KSR1: variants seen among roughly 807,000 people sequenced by gnomAD.
KSR1 encodes kinase suppressor of ras.
Under a neutral mutation model 92.9 loss-of-function variants are expected in KSR1, and 35 were observed. That is an observed-to-expected ratio of 0.38 (90% confidence interval 0.29 to 0.50). The LOEUF is 0.50. Among genes scored for constraint, KSR1 ranks in the 20% least tolerant of loss-of-function variants. The pLI is 0.94. For synonymous variants in KSR1, 467 were observed against 472.6 expected, an observed-to-expected ratio of 0.99 and a Z score of 0.15; for missense variants, 972 against 1,158.5, an observed-to-expected ratio of 0.84 and a Z score of 2.34.
chr17:27,502,895 G>A (rs906764630), intron 1 of KSR1, among the ~76,000 whole-genome samples: 9 of 152,126 alleles, frequency 5.9e-5, no homozygotes, highest in African/African-American at 2.2e-4. Flanking sequence ...CACTTCTCAC[G>A]GACAGTAATG....
At chr17:27,518,018 T>C (rs916839274) in intron 1 of KSR1, among the ~76,000 whole-genome samples, 5 of 152,224 alleles carry the variant, frequency 3.3e-5, no homozygotes, top group Admixed American at 6.5e-5. Flanking sequence ...GGCCAGATGC[T>C]CTTGATACAG....
intron 4 of KSR1, among the ~76,000 whole-genome samples, chr17:27,583,740 T>G: frequency 6.6e-6 from 1 of 152,276 alleles, no homozygotes; most frequent in Non-Finnish European, 1.5e-5. Context: ...TCTGAGAACA[T>G]CATGTCAGTA....
chr17:27,605,651 A>G lies in KSR1; in HGVS notation c.1832A>G (p.His611Arg). ...RWGRVHRGRW[H>R]GEVAIRLLEM... ...GGCCGGGTGCACCGCGGCCGCTGGC[A>G]TGGCGAGGTGGCCATTCGCCTGCTG... The change falls in exon 14 of 21, where the codon CAT becomes CGT. Residue 611 changes from histidine (H) to arginine (R), a missense_variant. Physicochemically the swap from His to Arg is conservative, Grantham distance 29 (BLOSUM62 0). Transcript: ENST00000644974. The G allele has an allele frequency of 6.2e-7, 1 of 1,612,064 alleles. No individual in the cohort carries two copies. The highest frequency in any genetic ancestry group is 8.5e-7 in the Non-Finnish European group (1 of 1,179,638).
At chr17:27,501,563 T>C (rs2069191425) in intron 1 of KSR1, among the ~76,000 whole-genome samples, 1 of 152,184 alleles carries the variant, frequency 6.6e-6, no homozygotes, top group Non-Finnish European at 1.5e-5. Context: ...CCTGCTGCTG[T>C]GTGTAGCCTC....
chr17:27,457,133 C>T (rs2019211296), intron 1 of KSR1, among the ~76,000 whole-genome samples: 1 of 152,152 alleles, frequency 6.6e-6, no homozygotes, highest in African/African-American at 2.4e-5. Context: ...TGCGCGCGGA[C>T]ATCCCCTTTC....
chr17:27,594,509 C>G (rs1051235313), intron 9 of KSR1, among the ~76,000 whole-genome samples: 72 of 152,270 alleles, frequency 4.7e-4, no homozygotes, highest in African/African-American at 1.6e-3. Context: ...CACTCTCTCT[C>G]TGTCCCAACT....
chr17:27,585,795 G>A (rs922129151), intron 5 of KSR1, 134 bp downstream of exon 5: 4 of 709,508 alleles, frequency 5.6e-6, no homozygotes, highest in African/African-American at 1.8e-5. Flanking sequence ...CAGAGGTGCT[G>A]GTGACCACCT....
intron 9 of KSR1, among the ~76,000 whole-genome samples, chr17:27,593,025 A>G (rs1007519668): frequency 3.3e-5 from 5 of 152,210 alleles, no homozygotes; most frequent in Non-Finnish European, 5.9e-5. Context: ...CCCAGCCCCA[A>G]AACCTGGGCC....
intron 1 of KSR1, among the ~76,000 whole-genome samples, chr17:27,497,500 G>A (rs2094354315): frequency 6.6e-6 from 1 of 152,186 alleles, no homozygotes; most frequent in Non-Finnish European, 1.5e-5. Context: ...AAGTCTGAAT[G>A]TGACCTCCCT....
At chr17:27,545,011 G>T (rs2071109903) in intron 1 of KSR1, among the ~76,000 whole-genome samples, 1 of 152,196 alleles carries the variant, frequency 6.6e-6, no homozygotes, top group Non-Finnish European at 1.5e-5. Flanking sequence ...AACAAGTTCT[G>T]GGAGATAGCA....
At position 27,605,634 on chromosome 17, in the gene KSR1, G is replaced by A. The variant is rs1324470097; in HGVS notation, c.1815G>A (p.Val605=). ...EPIGQGRWGR[V]HRGRWHGEVA... ...TCGGGCAGGGCCGCTGGGGCCGGGT[G>A]CACCGCGGCCGCTGGCATGGCGAGG... Residue 605 remains valine, a synonymous_variant, in exon 14 of 21, where the codon GTG becomes GTA. Transcript: ENST00000644974. 4 of 1,609,866 alleles carry A rather than the reference G, an allele frequency of 2.5e-6. No individual in the cohort carries two copies. The East Asian group carries it at 6.7e-5, about 27-fold the overall frequency.
Position 27,582,877 on chromosome 17 carries a change from G to A in KSR1, c.752G>A (p.Cys251Tyr), listed in dbSNP as rs1240596854. 5 of 1,613,024 alleles carry A rather than the reference G, an allele frequency of 3.1e-6. No individual in the cohort carries two copies. Among genetic ancestry groups the A allele is most frequent in the Non-Finnish European group, 4.2e-6 (5 of 1,179,662 alleles). Residue 251 changes from cysteine to tyrosine, a missense_variant, in exon 4 of 21, where the codon TGT (cysteine) becomes TAT (tyrosine). Cys to Tyr is a radical substitution (Grantham distance 194, BLOSUM62 -2). Transcript: ENST00000644974. The part of the protein sequence containing the change: ...PSFSEGLSDT[C>Y]IPLHASGRLT... ...TTCAGTGAGGGCCTCTCAGACACCT[G>A]TATTCCCCTGCACGCCAGCGGCCGG...
intron 1 of KSR1, among the ~76,000 whole-genome samples, chr17:27,541,629 C>T (rs1051401916): frequency 6.6e-6 from 1 of 152,178 alleles, no homozygotes; most frequent in African/African-American, 2.4e-5. Context: ...CCAGTCAAGA[C>T]AGCTTAGGGT....
At chr17:27,556,532 T>C (rs1353483856) in intron 2 of KSR1, among the ~76,000 whole-genome samples, 2 of 152,194 alleles carry the variant, frequency 1.3e-5, no homozygotes, top group Non-Finnish European at 2.9e-5. Context: ...TGCTCAACTT[T>C]TTAATGAGAC....
Position 27,582,709 on chromosome 17 carries a change from G to T in KSR1, c.584G>T (p.Gly195Val). ...SLDARRESGS[G>V]PSTDTLSAAS... ...GATGCGCGGCGGGAAAGTGGCTCAG[G>T]GCCTTCCACGGACACCCTCTCAGCA... Residue 195 changes from glycine (G) to valine (V), a missense_variant, in exon 4 of 21, where the codon GGG becomes GTG. This residue lies in a region of KSR1 where 611 missense variants were observed against 668.0 expected (regional missense o/e 0.91). Transcript: ENST00000644974. 1 of 1,613,832 alleles carries T rather than the reference G, an allele frequency of 6.2e-7. No homozygotes were observed. Among genetic ancestry groups the T allele is most frequent in the Non-Finnish European group, 8.5e-7 (1 of 1,179,818 alleles).
In KSR1 at chr17:27,623,122, T is replaced by TC; in HGVS notation, c.2709-192_2709-191insC. The TC allele has an allele frequency of 8.1e-6, 5 of 617,856 alleles. No homozygotes were observed. The South Asian group carries it at 9.7e-5, about 12-fold the overall frequency. The allele number at this position is 617,856 out of a possible 1,614,324, so 38.3% of individuals were successfully genotyped here. A position where few individuals can be genotyped will look rare whatever the true frequency, so the allele number is the denominator to read the frequency against. ...CCACCGTTGCTGCTCCAAGTAGGAC[T>TC]ACTTGGAGTGTAGCTGAGGCCTTGG... On this transcript the variant is annotated intron_variant, in intron 20 of 20. Coordinates refer to ENST00000644974, the MANE Select transcript of KSR1 (RefSeq NM_001394583.1).
intron 6 of KSR1, among the ~76,000 whole-genome samples, chr17:27,589,536 A>G (rs924848544): frequency 2.0e-4 from 31 of 152,326 alleles, no homozygotes; most frequent in African/African-American, 7.0e-4. Context: ...ACTCCCTGGC[A>G]TGGGCATAAG....
At chr17:27,464,797 T>G (rs564341207) in intron 1 of KSR1, among the ~76,000 whole-genome samples, 31 of 152,184 alleles carry the variant, frequency 2.0e-4, no homozygotes, top group African/African-American at 6.0e-4. Flanking sequence ...ATGTAAAAAT[T>G]CTTTACAATT....
rs1344371817 is a variant in KSR1 at position 27,626,258 on chromosome 17, A to C, written c.*2866A>C. ...ATGTGATGTAAAATTTGTACAGTAA[A>C]GTTTTTATATTTTCTATCAACTACA... On this transcript the variant is annotated 3_prime_UTR_variant, in exon 21 of 21. Coordinates refer to ENST00000644974, the MANE Select transcript of KSR1 (RefSeq NM_001394583.1). 1 of 152,226 alleles carries C rather than the reference A, an allele frequency of 6.6e-6. No individual in the cohort carries two copies. The highest frequency in any genetic ancestry group is 1.5e-5 in the Non-Finnish European group (1 of 68,044). 9.4% of individuals were successfully genotyped at this position (152,226 alleles called of 1,614,324 possible).
Sources: gnomAD v4.1 joint callset for allele counts (sites outside exome capture counted in the v4.1 genomes callset) on GRCh38, gnomAD v4.1.1 for gene constraint, gnomAD v4.1.1 regional missense constraint, MANE v1.5 for transcripts, NCBI Gene and HGNC (gene_info 2026-07-23, HGNC 2026-07-21) for gene names.